SV2A: variants seen among roughly 807,000 people sequenced by gnomAD.
SV2A encodes solute carrier family 22 member B1.
In SV2A, 25 loss-of-function variants were observed where a neutral mutation model predicts 78.0. That is an observed-to-expected ratio of 0.32 (90% CI 0.23 to 0.45). SV2A has a LOEUF of 0.45. SV2A is among the 20% of genes least tolerant of loss of function. SV2A has a pLI of 1.00. For synonymous variants in SV2A, 355 were observed against 384.7 expected, an observed-to-expected ratio of 0.92 and a Z score of 0.90; for missense variants, 752 against 971.5, an observed-to-expected ratio of 0.77 and a Z score of 3.00.
Position 149,908,125 on chromosome 1 carries a change from G to T in SV2A, c.1461C>A (p.Phe487Leu). ...AVDYASRTKV[F>L]PGERVEHVTF... ...TTACATGCTCTACGCGCTCCCCGGG[G>T]AACACTTTGGTGCGGGATGCGTAGT... The change falls in exon 9 of 13, where the codon TTC becomes TTA. Residue 487 changes from phenylalanine to leucine, a missense_variant. This residue lies in a region of SV2A where 81 missense variants were observed against 74.2 expected (regional missense o/e 1.09). Transcript: ENST00000369146. The T allele has an allele frequency of 1.2e-6, 2 of 1,614,164 alleles. No homozygotes were observed. The highest frequency in any genetic ancestry group is 1.7e-6 in the Non-Finnish European group (2 of 1,180,030).
rs1157233589 is a variant in SV2A, at chr1:149,904,308, A to C, written c.*706T>G. ...TTACCCTTGGCTTATATTTGAGGAC[A>C]GTATAGTGATACCCCCCGCCCCATG... On this transcript the variant is annotated 3_prime_UTR_variant, in exon 13 of 13. Coordinates refer to ENST00000369146, the MANE Select transcript of SV2A (RefSeq NM_014849.5). 2 of 152,822 alleles carry C rather than the reference A, an allele frequency of 1.3e-5. No individual in the cohort carries two copies. Among genetic ancestry groups the C allele is most frequent in the Non-Finnish European group, 2.9e-5 (2 of 68,164 alleles). 9.5% of individuals were successfully genotyped at this position (152,822 alleles called of 1,614,324 possible).
chr1:149,912,055 G>A, intron 2 of SV2A, 75 bp from the exon 3 acceptor site: 1 of 1,442,554 alleles, frequency 6.9e-7, no homozygotes, highest in South Asian at 1.4e-5. Context: ...TGAGCACTGA[G>A]GGAGCTGAAG....
chr1:149,907,620 G>A, intron 10 of SV2A, 80 bp downstream of exon 10: 2 of 1,546,392 alleles, frequency 1.3e-6, no homozygotes, highest in South Asian at 2.5e-5. Context: ...AGAACCCTAA[G>A]ATAGTGAATG....
Position 149,904,681 on chromosome 1 carries a change from A to G in SV2A, c.*333T>C. The G allele has an allele frequency of 4.1e-6, 1 of 246,882 alleles. No homozygotes were observed. Among genetic ancestry groups the G allele is most frequent in the Admixed American group, 5.1e-5 (1 of 19,794 alleles). The allele number at this position is 246,882 out of a possible 1,614,324, so 15.3% of individuals were successfully genotyped here. On this transcript the variant is annotated 3_prime_UTR_variant, in exon 13 of 13. Transcript: ENST00000369146. ...CAGAGGGAATGATGGGGAAGGCAGG[A>G]AGCCTATTCTGGAACCCCTGGAACA...
In SV2A at chr1:149,907,724, T is replaced by C. The variant is rs782547034; in HGVS notation, c.1654A>G (p.Ile552Val). 6.2e-7 allele frequency: 1 copy of C among 1,613,996 alleles called. No individual in the cohort carries two copies. Among genetic ancestry groups the C allele is most frequent in the African/African-American group, 1.3e-5 (1 of 74,898 alleles). ...CCAGTGTTATAGAACACAGTGTTGA[T>C]GAATGTGCAGTTGCGGAAAAACGTG... ...SNTFFRNCTF[I>V]NTVFYNTDLF... The change falls in exon 10 of 13, where the codon ATC becomes GTC. Residue 552 changes from isoleucine (I) to valine (V), a missense_variant. Physicochemically the swap from Ile to Val is conservative, Grantham distance 29. This residue lies in a region of SV2A where 186 missense variants were observed against 274.6 expected (regional missense o/e 0.68). Transcript: ENST00000369146.
At chr1:149,916,124 G>C (rs1299666681) in intron 1 of SV2A, among the ~76,000 whole-genome samples, 3 of 152,116 alleles carry the variant, frequency 2.0e-5, no homozygotes, top group African/African-American at 7.2e-5. Flanking sequence ...TCCCCTCAGC[G>C]CATGGCAATT....
chr1:149,911,956 A>T lies in SV2A; in HGVS notation c.647T>A (p.Met216Lys). Reference sequence around the variant, plus strand: ...ACCTCCCCAGAGGAAGGCTCCCACCATCATGCCCAGGTAGACGATGAGGCC... The same window carrying T: ...ACCTCCCCAGAGGAAGGCTCCCACCTTCATGCCCAGGTAGACGATGAGGCC... ...MLGLIVYLGM[M>K]VGAFLWGGLA... The change falls in exon 3 of 13, where the codon ATG becomes AAG. Residue 216 changes from methionine to lysine, a missense_variant. Coordinates refer to ENST00000369146, the MANE Select transcript of SV2A (RefSeq NM_014849.5). 1 of 1,614,110 alleles carries T rather than the reference A, an allele frequency of 6.2e-7. No homozygotes were observed. The highest frequency in any genetic ancestry group is 8.5e-7 in the Non-Finnish European group (1 of 1,180,000).
Position 149,904,910 on chromosome 1 carries a change from G to A in SV2A, c.*104C>T, listed in dbSNP as rs1559785105. ...AGCTAAGACACCAAACACGGGGAGT[G>A]GGGAGTGAGGGCTCTGGAGGTCAGG... On this transcript the variant is annotated 3_prime_UTR_variant, in exon 13 of 13. Coordinates refer to ENST00000369146, the MANE Select transcript of SV2A (RefSeq NM_014849.5). 8 of 1,269,584 alleles carry A rather than the reference G, an allele frequency of 6.3e-6. No individual in the cohort carries two copies. Among genetic ancestry groups the A allele is most frequent in the Non-Finnish European group, 7.6e-6 (7 of 922,592 alleles). 78.6% of individuals were successfully genotyped at this position (1,269,584 alleles called of 1,614,324 possible).
rs372236569 is a variant in SV2A, at chr1:149,906,741, G to A, written c.1794C>T (p.Tyr598=). Residue 598 remains tyrosine, a synonymous_variant, in exon 11 of 13, where the codon TAC becomes TAT. Transcript: ENST00000369146. ...TGTGEGAYMV[Y]FVSFLGTLAV... ...CCAGTGTCCCCAGGAAGCTCACAAA[G>A]TATACCATGTAGGCACCTTCGCCCG... 11 of 1,614,112 alleles carry A rather than the reference G, an allele frequency of 6.8e-6. No individual in the cohort carries two copies. Among genetic ancestry groups the A allele is most frequent in the African/African-American group, 4.0e-5 (3 of 74,942 alleles).
rs782147108 is a variant in SV2A, at chr1:149,909,177, C to T, written c.1379+15G>A. 1.2e-6 allele frequency: 2 copies of T among 1,612,894 alleles called. No homozygotes were observed. The highest frequency in any genetic ancestry group is 2.2e-5 in the South Asian group (2 of 91,052). On this transcript the variant is annotated intron_variant, in intron 8 of 12. Coordinates refer to ENST00000369146, the MANE Select transcript of SV2A (RefSeq NM_014849.5). ...CACAACCACCACACATCACCCAGCC[C>T]ACCCATCTCCTCACCTGAATGACAT... is the stretch of plus-strand genomic sequence containing the variant.
In SV2A at chr1:149,913,317, G is replaced by A. The variant is rs782791082; in HGVS notation, c.524C>T (p.Ala175Val). 1.7e-5 allele frequency: 28 copies of A among 1,614,026 alleles called. No individual in the cohort carries two copies. The highest frequency in any genetic ancestry group is 2.7e-5 in the African/African-American group (2 of 74,892). ...QWTLYFVLGLALMADGVEVFV... is the reference protein window; with the variant it reads ...QWTLYFVLGLVLMADGVEVFV... ...GACCTCCACACCGTCAGCCATCAGC[G>A]CCAGACCAAGCACAAAATACAGTGT... The change falls in exon 2 of 13, where the codon GCG (alanine) becomes GTG (valine). Residue 175 changes from alanine to valine, a missense_variant. Ala to Val is a moderately conservative substitution (Grantham distance 64). Transcript: ENST00000369146.
chr1:149,904,952 G>C lies in SV2A; in HGVS notation c.*62C>G. ...GAGGTCAGGATGGCAGGGCAGGGAGGGGAAGGAAGGAGTTGTTGGTCTCAC... is the reference window on the plus strand; with the variant it reads ...GAGGTCAGGATGGCAGGGCAGGGAGCGGAAGGAAGGAGTTGTTGGTCTCAC... On this transcript the variant is annotated 3_prime_UTR_variant, in exon 13 of 13. Transcript: ENST00000369146. 6.6e-7 allele frequency: 1 copy of C among 1,507,174 alleles called. No individual in the cohort carries two copies. The highest frequency in any genetic ancestry group is 1.3e-5 in the South Asian group (1 of 77,122). The allele number at this position is 1,507,174 out of a possible 1,614,324, so 93.4% of individuals were successfully genotyped here.
rs200722955 is a variant in SV2A, at chr1:149,913,434, C to T, written c.407G>A (p.Arg136Gln). 89 of 1,613,694 alleles carry T rather than the reference C, an allele frequency of 5.5e-5. No individual in the cohort carries two copies. Among genetic ancestry groups the T allele is most frequent in the African/African-American group, 2.9e-4 (22 of 74,944 alleles). ...LSDGEGPPGG[R>Q]GEAQRRKERE... ...TTCTTTCCGTCGTTGTGCCTCCCCC[C>T]GGCCCCCAGGGGGACCCTCCCCATC... Residue 136 changes from arginine to glutamine, a missense_variant, in exon 2 of 13, where the codon CGG becomes CAG. Physicochemically the swap from Arg to Gln is conservative, Grantham distance 43 (BLOSUM62 1). Around this residue, in one of 7 missense-constraint regions of SV2A, gnomAD observed 291 missense variants for 359.5 expected, o/e 0.81. Coordinates refer to ENST00000369146, the MANE Select transcript of SV2A (RefSeq NM_014849.5).
chr1:149,913,795 T>C lies in SV2A; in HGVS notation c.46A>G (p.Lys16Glu). The change falls in exon 2 of 13, where the codon AAA becomes GAA. Residue 16 changes from lysine to glutamate, a missense_variant. Physicochemically the swap from Lys to Glu is moderately conservative, Grantham distance 56. Coordinates refer to ENST00000369146, the MANE Select transcript of SV2A (RefSeq NM_014849.5). ...TTTTTGACTTCCTTAGCAATGTCTTTGGCCCCACGGATGAAAGCTGCCCGG... is the reference window on the plus strand; with the variant it reads ...TTTTTGACTTCCTTAGCAATGTCTTCGGCCCCACGGATGAAAGCTGCCCGG... The part of the protein sequence containing the change: ...RDRAAFIRGA[K>E]DIAKEVKKHA... 1 of 1,613,606 alleles carries C rather than the reference T, an allele frequency of 6.2e-7. No homozygotes were observed. Among genetic ancestry groups the C allele is most frequent in the Non-Finnish European group, 8.5e-7 (1 of 1,179,558 alleles).
Position 149,904,814 on chromosome 1 carries a change from T to G in SV2A, c.*200A>C, listed in dbSNP as rs2092424861. 5.3e-6 allele frequency: 3 copies of G among 561,012 alleles called. No homozygotes were observed. The South Asian group carries it at 7.9e-5, about 15-fold the overall frequency. 34.8% of individuals were successfully genotyped at this position (561,012 alleles called of 1,614,324 possible). ...GGGGAGTACAGCTTCATCTCAAAACTGGGATGAAGGAGCCTTCCCTGTAGT... is the reference window on the plus strand; with the variant it reads ...GGGGAGTACAGCTTCATCTCAAAACGGGGATGAAGGAGCCTTCCCTGTAGT... On this transcript the variant is annotated 3_prime_UTR_variant, in exon 13 of 13. Transcript: ENST00000369146.
chr1:149,912,357 A>G (rs1270037575), intron 2 of SV2A, among the ~76,000 whole-genome samples: 3 of 152,008 alleles, frequency 2.0e-5, no homozygotes, highest in African/African-American at 7.3e-5. Context: ...TTGATCCCTC[A>G]AAGCAGCAGG....
In SV2A at chr1:149,910,765, G is replaced by A; in HGVS notation, c.955+61C>T. ...CAGAGGCTGGGGGAACCCACCACAG[G>A]GAGCACAGAAGAAGAGGGAGGAGGG... On this transcript the variant is annotated intron_variant, in intron 4 of 12. Transcript: ENST00000369146. This position sits in a 1 kb window ranked among gnomAD's most constrained non-coding sequence, Gnocchi z 4.2. 2.5e-6 allele frequency: 4 copies of A among 1,612,166 alleles called. No individual in the cohort carries two copies. Among genetic ancestry groups the A allele is most frequent in the Non-Finnish European group, 3.4e-6 (4 of 1,178,626 alleles).
At chr1:149,915,695 C>T (rs1244930972) in intron 1 of SV2A, among the ~76,000 whole-genome samples, 1 of 152,144 alleles carries the variant, frequency 6.6e-6, no homozygotes, top group African/African-American at 2.4e-5. Context: ...CCACAAACAC[C>T]GCATTGCGTA....
chr1:149,910,862 C>T lies in SV2A; in HGVS notation c.919G>A (p.Ala307Thr), dbSNP rs1553763641. The T allele has an allele frequency of 8.7e-6, 14 of 1,614,068 alleles. No individual in the cohort carries two copies. Among genetic ancestry groups the T allele is most frequent in the Non-Finnish European group, 9.3e-6 (11 of 1,179,968 alleles). Residue 307 changes from alanine (A) to threonine (T), a missense_variant, in exon 4 of 13, where the codon GCA becomes ACA. Physicochemically the swap from Ala to Thr is moderately conservative, Grantham distance 58. Around this residue, in one of 7 missense-constraint regions of SV2A, gnomAD observed 43 missense variants for 70.8 expected, o/e 0.61. Coordinates refer to ENST00000369146, the MANE Select transcript of SV2A (RefSeq NM_014849.5). This position sits in a 1 kb window ranked among gnomAD's most constrained non-coding sequence, Gnocchi z 4.2. ...CMFWMIGGVYAAAMAWAIIPH... is the reference protein window; with the variant it reads ...CMFWMIGGVYTAAMAWAIIPH... ...ATGATGGCCCAGGCCATAGCAGCTGCGTACACGCCACCAATCATCCAAAAC... is the reference window on the plus strand; with the variant it reads ...ATGATGGCCCAGGCCATAGCAGCTGTGTACACGCCACCAATCATCCAAAAC...
Sources: gnomAD v4.1 joint callset for allele counts (sites outside exome capture counted in the v4.1 genomes callset) on GRCh38, gnomAD v4.1.1 for gene constraint, gnomAD v4.1.1 regional missense constraint, Gnocchi (gnomAD v3.1) non-coding constraint, MANE v1.5 for transcripts, NCBI Gene and HGNC (gene_info 2026-07-23, HGNC 2026-07-21) for gene names.